PCDHA1: variants seen among roughly 807,000 people sequenced by gnomAD.
PCDHA1 encodes the protein protocadherin alpha-1.
In PCDHA1, 42 loss-of-function variants were observed where a neutral mutation model predicts 61.3. That is an observed-to-expected ratio of 0.69 (90% CI 0.54 to 0.89). PCDHA1 has a LOEUF of 0.89. PCDHA1 is among the 40% of genes least tolerant of loss of function. The pLI is 0.00. For missense variants in PCDHA1, 1,256 were observed against 1,235.3 expected (o/e 1.02, Z -0.25); for synonymous variants, 610 against 553.8 (o/e 1.10, Z -1.43).
chr5:140,966,075 T>C (rs1164431515), intron 1 of PCDHA1: 1 of 153,402 alleles, frequency 6.5e-6, no homozygotes, highest in Non-Finnish European at 1.4e-5. Context: ...CCCTGCGTTG[T>C]TTCCTTTTAA....
chr5:140,869,190 C>G (rs536787060), intron 1 of PCDHA1: 1 of 1,613,998 alleles, frequency 6.2e-7, no homozygotes, highest in African/African-American at 1.3e-5. Context: ...TGGGGAGCGG[C>G]CAGCTCCACT....
chr5:140,829,934 G>T (rs1176512976), intron 1 of PCDHA1: 3 of 1,613,878 alleles, frequency 1.9e-6, no homozygotes, highest in Non-Finnish European at 1.7e-6. Flanking sequence ...GCAGCCCCCG[G>T]CAAGCAGCGC....
chr5:140,883,915 G>A, intron 1 of PCDHA1: 1 of 1,613,348 alleles, frequency 6.2e-7, no homozygotes, highest in Non-Finnish European at 8.5e-7. Context: ...GCAGCAACGT[G>A]ACGCTGCAGG....
chr5:140,882,391 C>T, intron 1 of PCDHA1: 2 of 1,614,214 alleles, frequency 1.2e-6, no homozygotes, highest in Non-Finnish European at 8.5e-7. Context: ...AAGCAAAACA[C>T]GGCACCTTCG....
intron 1 of PCDHA1, among the ~76,000 whole-genome samples, chr5:140,898,648 G>A (rs1436511217): frequency 6.6e-6 from 1 of 152,136 alleles, no homozygotes; most frequent in Non-Finnish European, 1.5e-5. Flanking sequence ...TGTTCTTTTG[G>A]CTTAGGATTG....
In PCDHA1 at chr5:140,855,179, G is replaced by A. The variant is rs181253905; in HGVS notation, c.2394+66495G>A. Among the ~76,000 whole-genome samples, 493 of 149,782 alleles carry A rather than the reference G, an allele frequency of 3.3e-3. 32 individuals carry two copies. The highest frequency in any genetic ancestry group is 0.014 in the Middle Eastern group (4 of 290). ...ATTGAGCCTCATGAAAACAAATGTGGCCAAATTGAGGCCTGAGAATAGTTT... is the reference window on the plus strand; with the variant it reads ...ATTGAGCCTCATGAAAACAAATGTGACCAAATTGAGGCCTGAGAATAGTTT... On this transcript the variant is annotated intron_variant, in intron 1 of 3. Coordinates refer to ENST00000504120, the MANE Select transcript of PCDHA1 (RefSeq NM_018900.4).
chr5:140,787,441 A>G lies in PCDHA1; in HGVS notation c.1151A>G (p.Gln384Arg). Reference sequence around the variant, plus strand: ...GACCGTGACTCAGGTGCCAACGGGCAGGTGACTTGCTCCTTAATGCCCCAC... The same window carrying G: ...GACCGTGACTCAGGTGCCAACGGGCGGGTGACTTGCTCCTTAATGCCCCAC... ...VSDRDSGANG[Q>R]VTCSLMPHVP... Residue 384 changes from glutamine (Q) to arginine (R), a missense_variant, in exon 1 of 4, where the codon CAG becomes CGG. Physicochemically the swap from Gln to Arg is conservative, Grantham distance 43. Transcript: ENST00000504120. 6.2e-7 allele frequency: 1 copy of G among 1,614,246 alleles called. No individual in the cohort carries two copies. Among genetic ancestry groups the G allele is most frequent in the Non-Finnish European group, 8.5e-7 (1 of 1,180,036 alleles).
chr5:140,877,228 G>A, intron 1 of PCDHA1: 2 of 1,613,700 alleles, frequency 1.2e-6, no homozygotes, highest in Non-Finnish European at 1.7e-6. Context: ...GCGGTCGGTG[G>A]GTGCGGGCCA....
chr5:140,833,755 C>CAT (rs1554133952), intron 1 of PCDHA1, among the ~76,000 whole-genome samples: 1 of 151,932 alleles, frequency 6.6e-6, no homozygotes, highest in East Asian at 1.9e-4. Context: ...AAAGAAAACA[C>CAT]ACACACACAC....
Position 140,851,528 on chromosome 5 carries a change from C to T in PCDHA1, c.2394+62844C>T, listed in dbSNP as rs185754801. ...ATAAAATATGTTTTAAAATGCCTGA[C>T]AATGTAGATAATTCAAGAAATGTTG... On this transcript the variant is annotated intron_variant, in intron 1 of 3. Transcript: ENST00000504120. 15 of 903,994 alleles carry T rather than the reference C, an allele frequency of 1.7e-5. No homozygotes were observed. The East Asian group carries it at 1.6e-3, about 98-fold the overall frequency. The allele number at this position is 903,994 out of a possible 1,614,324, so 56.0% of individuals were successfully genotyped here.
intron 1 of PCDHA1, chr5:140,801,004 T>C: frequency 7.1e-7 from 1 of 1,408,006 alleles, no homozygotes; most frequent in Non-Finnish European, 9.2e-7. Context: ...TTTAGCCACA[T>C]GATGTCGCTG....
In PCDHA1 at chr5:140,876,439, A is replaced by G; in HGVS notation, c.2394+87755A>G. 4 of 1,613,988 alleles carry G rather than the reference A, an allele frequency of 2.5e-6. No individual in the cohort carries two copies. The East Asian group carries it at 8.9e-5, about 36-fold the overall frequency. ...TGCCTATGAAATTCAGGTTAACGCC[A>G]TTGATAAAGGGATTCCTTCCATGGC... is the stretch of plus-strand genomic sequence containing the variant. On this transcript the variant is annotated intron_variant, in intron 1 of 3. Transcript: ENST00000504120.
intron 1 of PCDHA1, chr5:140,823,128 T>C (rs2150122599): frequency 1.9e-6 from 3 of 1,613,702 alleles, no homozygotes; most frequent in Middle Eastern, 1.7e-4. Context: ...ACGACAACGC[T>C]CCGGCGTTCG....
intron 1 of PCDHA1, among the ~76,000 whole-genome samples, chr5:140,946,631 T>TATACATACAC (rs57893927): frequency 7.6e-6 from 1 of 131,846 alleles, no homozygotes; most frequent in Non-Finnish European, 1.5e-5. Context: ...TATATATATA[T>TATACATACAC]ACAATGGAAT....
In PCDHA1 at chr5:140,953,296, G is replaced by A. The variant is rs118116883; in HGVS notation, c.2395-25653G>A. 7.9e-5 allele frequency among the ~76,000 whole-genome samples: 12 copies of A among 152,162 alleles called. No individual in the cohort carries two copies. The East Asian group carries it at 1.5e-3, about 20-fold the overall frequency. Reference sequence around the variant, plus strand: ...TGCTCTTTATATGTGATTCAGGGACGGCAGAGATGTGGGAAGAATTTGATC... The same window carrying A: ...TGCTCTTTATATGTGATTCAGGGACAGCAGAGATGTGGGAAGAATTTGATC... On this transcript the variant is annotated intron_variant, in intron 1 of 3. Coordinates refer to ENST00000504120, the MANE Select transcript of PCDHA1 (RefSeq NM_018900.4).
In PCDHA1 at chr5:140,850,079, G is replaced by A. The variant is rs2150466050; in HGVS notation, c.2394+61395G>A. On this transcript the variant is annotated intron_variant, in intron 1 of 3. Coordinates refer to ENST00000504120, the MANE Select transcript of PCDHA1 (RefSeq NM_018900.4). ...TGCAGCCGTTGGACCACGAGGAGCTGGAGCTGCTACAGTTCCAGGTGAGCG... is the reference window on the plus strand; with the variant it reads ...TGCAGCCGTTGGACCACGAGGAGCTAGAGCTGCTACAGTTCCAGGTGAGCG... The A allele has an allele frequency of 1.6e-3, 2,619 of 1,596,602 alleles. 178 individuals are homozygous for A. In the African/African-American group the frequency reaches 0.028, roughly 17 times the overall value.
At position 140,848,824 on chromosome 5, in the gene PCDHA1, T is replaced by C. The variant is rs2150421709; in HGVS notation, c.2394+60140T>C. On this transcript the variant is annotated intron_variant, in intron 1 of 3. Coordinates refer to ENST00000504120, the MANE Select transcript of PCDHA1 (RefSeq NM_018900.4). ...TGCAGCATCCACCTGGAGGTGATCG[T>C]AGACAGGCCGCTGCAGGTTTTCCAT... 7.5e-6 allele frequency: 12 copies of C among 1,590,566 alleles called. 1 individual carries two copies. In the Middle Eastern group the frequency reaches 1.4e-3, roughly 180 times the overall value.
intron 1 of PCDHA1, among the ~76,000 whole-genome samples, chr5:140,953,024 G>A (rs2094834462): frequency 6.6e-6 from 1 of 152,026 alleles, no homozygotes; most frequent in South Asian, 2.1e-4. Context: ...AACATTAAGG[G>A]GGAAATCCAC....
intron 1 of PCDHA1, among the ~76,000 whole-genome samples, chr5:140,873,038 G>A (rs1304592086): frequency 1.3e-5 from 2 of 152,120 alleles, no homozygotes; most frequent in Admixed American, 6.5e-5. Context: ...CACGTAGAGT[G>A]GTGGTATTAC....
Sources: gnomAD v4.1 joint callset for allele counts (sites outside exome capture counted in the v4.1 genomes callset) on GRCh38, gnomAD v4.1.1 for gene constraint, MANE v1.5 for transcripts, NCBI Gene and HGNC (gene_info 2026-07-23, HGNC 2026-07-21) for gene names.